EBF3: variants seen among roughly 807,000 people sequenced by gnomAD.
EBF3 encodes EBF transcription factor 3.
In EBF3, 18 loss-of-function variants were observed where a neutral mutation model predicts 77.1. The ratio of observed to expected loss-of-function variants is 0.23; its 90% confidence interval spans 0.16 to 0.35. The LOEUF (loss-of-function observed/expected upper bound fraction) is 0.35. Among genes scored for constraint, EBF3 ranks in the 10% least tolerant of loss-of-function variants. The probability of loss-of-function intolerance (pLI) is 1.00; values close to 1 mark genes in which losing one functional copy is unlikely to be tolerated. For missense variants in EBF3, 558 were observed against 860.0 expected, an observed-to-expected ratio of 0.65 and a Z score of 4.39; for synonymous variants, 350 against 343.5, an observed-to-expected ratio of 1.02 and a Z score of -0.21.
At chr10:129,908,594 C>T (rs1855303255) in intron 6 of EBF3, among the ~76,000 whole-genome samples, 1 of 152,238 alleles carries the variant, frequency 6.6e-6, no homozygotes, top group Non-Finnish European at 1.5e-5. Context: ...TCCAAGAAAA[C>T]TCAGACAAAG....
At position 129,867,039 on chromosome 10, in the gene EBF3, C is replaced by A. The variant is rs946782826; in HGVS notation, c.1039+102G>T. On this transcript the variant is annotated intron_variant, in intron 10 of 16. Coordinates refer to ENST00000440978, the MANE Select transcript of EBF3 (RefSeq NM_001375380.1). ...GGGGCTTTGTCTGTCTTTCCACAGA[C>A]CCCTGCCCTCTCTGTACAGTCCTCC... The A allele has an allele frequency of 6.2e-6, 9 of 1,440,416 alleles. No individual in the cohort carries two copies. The African/African-American group carries it at 1.3e-4, about 21-fold the overall frequency. 89.2% of individuals were successfully genotyped at this position (1,440,416 alleles called of 1,614,324 possible). A position where few individuals can be genotyped will look rare whatever the true frequency, so the allele number is the denominator to read the frequency against.
In EBF3 at chr10:129,963,874, C is replaced by G; in HGVS notation, c.-106G>C. 1.6e-6 allele frequency: 2 copies of G among 1,229,550 alleles called. No homozygotes were observed. Among genetic ancestry groups the G allele is most frequent in the Non-Finnish European group, 2.0e-6 (2 of 980,384 alleles). 76.2% of individuals were successfully genotyped at this position (1,229,550 alleles called of 1,614,324 possible). On this transcript the variant is annotated 5_prime_UTR_variant, in exon 1 of 17. Transcript: ENST00000440978. The surrounding 1 kb of genome is among the most constrained non-coding windows in gnomAD (Gnocchi z 7.1). ...CTGCCCTGGCCGCCCTCGCCCTGCT[C>G]GGCGCCTGCGGTCCGGCCCCGCCGC...
rs1178753238 is a variant in EBF3, at chr10:129,837,358, A to AT, written c.*584dup. ...TTCATGAAGATGAAGTTAAGCAGTGATAAACCCTCCCTCCCTCCCTGCCAC... is the reference window on the plus strand; with the variant it reads ...TTCATGAAGATGAAGTTAAGCAGTGATTAAACCCTCCCTCCCTCCCTGCCAC... On this transcript the variant is annotated 3_prime_UTR_variant, in exon 17 of 17. Coordinates refer to ENST00000440978, the MANE Select transcript of EBF3 (RefSeq NM_001375380.1). 2.0e-5 allele frequency: 3 copies of AT among 152,888 alleles called. No homozygotes were observed. Among genetic ancestry groups the AT allele is most frequent in the Admixed American group, 6.5e-5 (1 of 15,292 alleles). 9.5% of individuals were successfully genotyped at this position (152,888 alleles called of 1,614,324 possible).
At position 129,841,051 on chromosome 10, in the gene EBF3, C is replaced by CCCCG. The variant is rs10674137; in HGVS notation, c.1373-20_1373-19insCGGG. The CCCCG allele has an allele frequency of 8.1e-6, 13 of 1,603,806 alleles. No individual in the cohort carries two copies. Among genetic ancestry groups the CCCCG allele is most frequent in the Non-Finnish European group, 1.1e-5 (13 of 1,175,634 alleles). The stretch of plus-strand genomic sequence containing the variant: ...TAGCCGACTGTTGAAATCCCCCCCC[C>CCCCG]GGCCAAAAATAACATTATTATCAGC... On this transcript the variant is annotated intron_variant, in intron 13 of 16. Coordinates refer to ENST00000440978, the MANE Select transcript of EBF3 (RefSeq NM_001375380.1). The surrounding 1 kb of genome is among the most constrained non-coding windows in gnomAD (Gnocchi z 4.6).
chr10:129,899,628 G>A (rs910879434), intron 6 of EBF3, among the ~76,000 whole-genome samples: 9 of 152,276 alleles, frequency 5.9e-5, no homozygotes, highest in Non-Finnish European at 1.0e-4. Flanking sequence ...AGGCCAGGCC[G>A]GGGAATGGCA....
chr10:129,913,862 ACT>A (rs1855689695), intron 6 of EBF3, among the ~76,000 whole-genome samples: 1 of 151,632 alleles, frequency 6.6e-6, no homozygotes, highest in African/African-American at 2.4e-5. Context: ...TAAATCCCAG[ACT>A]CTCTTCCCCA....
chr10:129,920,716 T>C (rs184473132), intron 6 of EBF3, among the ~76,000 whole-genome samples: 15 of 152,298 alleles, frequency 9.8e-5, no homozygotes, highest in Non-Finnish European at 2.1e-4. Flanking sequence ...CACATGAAAG[T>C]TGTGGCCCCG....
chr10:129,867,106 C>T, intron 10 of EBF3, 35 bp downstream of exon 10: 2 of 1,603,638 alleles, frequency 1.2e-6, no homozygotes, highest in South Asian at 1.1e-5. Flanking sequence ...GAGGCCTCTA[C>T]CGCTTTCCCG....
rs1320131638 is a variant in EBF3, at chr10:129,900,084, C to G, written c.555-22235G>C. On this transcript the variant is annotated intron_variant, in intron 6 of 16. Coordinates refer to ENST00000440978, the MANE Select transcript of EBF3 (RefSeq NM_001375380.1). ...ATTCAAAGCAACAAAATAAAATACTCTTTGCTGACTCCGGTGTTTCCATGT... is the reference window on the plus strand; with the variant it reads ...ATTCAAAGCAACAAAATAAAATACTGTTTGCTGACTCCGGTGTTTCCATGT... Among the ~76,000 whole-genome samples, 4 of 152,210 alleles carry G rather than the reference C, an allele frequency of 2.6e-5. No individual in the cohort carries two copies. In the East Asian group the frequency reaches 7.7e-4, roughly 29 times the overall value.
At chr10:129,905,687 G>A (rs1334769709) in intron 6 of EBF3, among the ~76,000 whole-genome samples, 7 of 152,116 alleles carry the variant, frequency 4.6e-5, no homozygotes, top group Admixed American at 2.0e-4. Context: ...ACAGCTCAGC[G>A]AGAACCGCAG....
chr10:129,863,475 G>A lies in EBF3; in HGVS notation c.1039+3666C>T, dbSNP rs560866672. Among the ~76,000 whole-genome samples, 2 of 152,304 alleles carry A rather than the reference G, an allele frequency of 1.3e-5. No individual in the cohort carries two copies. Among genetic ancestry groups the A allele is most frequent in the South Asian group, 2.1e-4 (1 of 4,814 alleles). Reference sequence around the variant, plus strand: ...CTCAGATCACTGTAAACAGATCATTGAGGCCCTTTGCAAAGCCCCTCCCAG... The same window carrying A: ...CTCAGATCACTGTAAACAGATCATTAAGGCCCTTTGCAAAGCCCCTCCCAG... On this transcript the variant is annotated intron_variant, in intron 10 of 16. Coordinates refer to ENST00000440978, the MANE Select transcript of EBF3 (RefSeq NM_001375380.1). The surrounding 1 kb of genome is among the most constrained non-coding windows in gnomAD (Gnocchi z 4.0).
At chr10:129,906,127 G>A (rs1855127102) in intron 6 of EBF3, among the ~76,000 whole-genome samples, 2 of 152,290 alleles carry the variant, frequency 1.3e-5, no homozygotes, top group South Asian at 4.1e-4. Flanking sequence ...GAGAAATATA[G>A]ATAACAATTC....
intron 6 of EBF3, among the ~76,000 whole-genome samples, chr10:129,902,239 T>G (rs1374545747): frequency 1.3e-5 from 2 of 151,774 alleles, no homozygotes; most frequent in Admixed American, 1.3e-4. Context: ...CATTTTTTTT[T>G]TTTTTTTTAC....
intron 6 of EBF3, among the ~76,000 whole-genome samples, chr10:129,908,896 T>C (rs1321450437): frequency 6.6e-6 from 1 of 152,218 alleles, no homozygotes; most frequent in Non-Finnish European, 1.5e-5. Context: ...TTGCAAATTC[T>C]AAACACAATG....
rs1589975167 is a variant in EBF3, at chr10:129,963,601, G to GGGGCCA, written c.134+28_134+33dup. 2.4e-6 allele frequency: 3 copies of GGGGCCA among 1,263,458 alleles called. No individual in the cohort carries two copies. The highest frequency in any genetic ancestry group is 8.1e-5 in the Admixed American group (2 of 24,798). The allele number at this position is 1,263,458 out of a possible 1,614,324, so 78.3% of individuals were successfully genotyped here. ...GAGGGGGCCGGGCCGGGCCGGGGCC[G>GGGGCCA]GGGCCAGGGCGCGCGGGGGCGGCCG... is the stretch of plus-strand genomic sequence containing the variant. On this transcript the variant is annotated intron_variant, in intron 1 of 16. Transcript: ENST00000440978. This position sits in a 1 kb window ranked among gnomAD's most constrained non-coding sequence, Gnocchi z 7.1.
intron 6 of EBF3, among the ~76,000 whole-genome samples, chr10:129,940,182 G>A (rs1019758228): frequency 6.6e-6 from 1 of 152,182 alleles, no homozygotes; most frequent in Non-Finnish European, 1.5e-5. Flanking sequence ...GGCATCCTGG[G>A]CTCTGTGCGT....
At chr10:129,857,375 C>G (rs1163313556) in intron 10 of EBF3, among the ~76,000 whole-genome samples, 1 of 152,082 alleles carries the variant, frequency 6.6e-6, no homozygotes, top group African/African-American at 2.4e-5. Flanking sequence ...CACGGCAGCC[C>G]CCAACCCAGC....
intron 6 of EBF3, among the ~76,000 whole-genome samples, chr10:129,889,946 CTTTTTTTT>C (rs10665456): frequency 1.7e-4 from 14 of 82,894 alleles, no homozygotes; most frequent in African/African-American, 6.2e-4. Context: ...ATTGAAGTGC[CTTTTTTTT>C]TTTTTTTTTT....
chr10:129,894,172 G>T (rs767391105), intron 6 of EBF3, among the ~76,000 whole-genome samples: 7 of 152,214 alleles, frequency 4.6e-5, no homozygotes, highest in Non-Finnish European at 1.0e-4. Flanking sequence ...TCAAGCTGGT[G>T]ATCTGCACTT....
Sources: gnomAD v4.1 joint callset for allele counts (sites outside exome capture counted in the v4.1 genomes callset) on GRCh38, gnomAD v4.1.1 for gene constraint, Gnocchi (gnomAD v3.1) non-coding constraint, MANE v1.5 for transcripts, NCBI Gene and HGNC (gene_info 2026-07-23, HGNC 2026-07-21) for gene names.